Variants in SGCG observed in about 807,000 individuals in gnomAD.
The protein encoded by SGCG is gamma-sarcoglycan.
In SGCG, 26 loss-of-function variants were observed where a neutral mutation model predicts 29.3. The ratio of observed to expected loss-of-function variants is 0.89; its 90% CI spans 0.65 to 1.23. The LOEUF (loss-of-function observed/expected upper bound fraction) is 1.23, where lower values mean the gene tolerates loss of function less well. SGCG is among the 50% of genes most tolerant of loss of function. SGCG has a pLI of 0.00. For synonymous variants in SGCG, 145 were observed against 129.7 expected, an observed-to-expected ratio of 1.12 and a Z score of -0.80; for missense variants, 353 against 356.0, an observed-to-expected ratio of 0.99 and a Z score of 0.07.
At chr13:23,210,313 A>G (rs1878142306) in intron 2 of SGCG, among the ~76,000 whole-genome samples, 1 of 152,198 alleles carries the variant, frequency 6.6e-6, no homozygotes, top group African/African-American at 2.4e-5. Flanking sequence ...AAATCAGTGT[A>G]TATATTGATG....
intron 2 of SGCG, among the ~76,000 whole-genome samples, chr13:23,206,590 T>C (rs1364178964): frequency 6.6e-6 from 1 of 152,242 alleles, no homozygotes; most frequent in Non-Finnish European, 1.5e-5. Context: ...CACATCTTGA[T>C]TGACTACTAT....
At chr13:23,203,373 G>A (rs575610986) in intron 1 of SGCG, among the ~76,000 whole-genome samples, 5 of 152,222 alleles carry the variant, frequency 3.3e-5, no homozygotes, top group Admixed American at 6.5e-5. Flanking sequence ...GTTTAACCCT[G>A]AAGAATTCTG....
chr13:23,281,697 T>C lies in SGCG; in HGVS notation c.505+2219T>C, dbSNP rs547527898. ...CCACCTCAGATCATCAGGTATTAGA[T>C]TCTCATCAGGAGCACGCAACCTAGA... On this transcript the variant is annotated intron_variant, in intron 5 of 7. Coordinates refer to ENST00000218867, the MANE Select transcript of SGCG (RefSeq NM_000231.3). Among the ~76,000 whole-genome samples, 4 of 152,314 alleles carry C rather than the reference T, an allele frequency of 2.6e-5. No homozygotes were observed. The South Asian group carries it at 6.2e-4, about 24-fold the overall frequency.
At chr13:23,258,592 G>A (rs1880295375) in intron 4 of SGCG, among the ~76,000 whole-genome samples, 1 of 152,152 alleles carries the variant, frequency 6.6e-6, no homozygotes, top group African/African-American at 2.4e-5. Flanking sequence ...ATGTTGAATA[G>A]GAGTGGTGAG....
intron 2 of SGCG, among the ~76,000 whole-genome samples, chr13:23,224,941 T>C (rs1253880012): frequency 6.6e-6 from 1 of 151,970 alleles, no homozygotes; most frequent in East Asian, 1.9e-4. Context: ...TTCTGAACCA[T>C]TGCTATGCTC....
intron 2 of SGCG, among the ~76,000 whole-genome samples, chr13:23,217,193 G>A (rs2137521417): frequency 6.6e-6 from 1 of 152,074 alleles, no homozygotes; most frequent in South Asian, 2.1e-4. Flanking sequence ...ACAGTTTATT[G>A]AATAACTATG....
At chr13:23,172,492 G>T in the SGCG span, among the ~76,000 whole-genome samples, 1 of 152,040 alleles carries the variant, frequency 6.6e-6, no homozygotes, top group South Asian at 2.1e-4. Flanking sequence ...CTACCACTAG[G>T]TCTCTTCCAA....
chr13:23,299,447 TATATATA>T lies in SGCG; in HGVS notation c.578+3961_578+3967del, dbSNP rs1377834715. 3.4e-4 allele frequency among the ~76,000 whole-genome samples: 9 copies of T among 26,360 alleles called. 1 individual carries two copies. Among genetic ancestry groups the T allele is most frequent in the Admixed American group, 8.1e-4 (2 of 2,454 alleles). 17.3% of individuals were successfully genotyped at this position (26,360 alleles called of 152,430 possible). ...ATATATATATATATATATATATATATATATATATATTTTTTTTTTTTTTTTAGTCGGA... is the reference window on the plus strand; with the variant it reads ...ATATATATATATATATATATATATATTATTTTTTTTTTTTTTTTAGTCGGA... On this transcript the variant is annotated intron_variant, in intron 6 of 7. Transcript: ENST00000218867.
chr13:23,299,369 C>G (rs1882030224), intron 6 of SGCG, among the ~76,000 whole-genome samples: 1 of 135,526 alleles, frequency 7.4e-6, no homozygotes, highest in Admixed American at 7.7e-5. Flanking sequence ...TATTCCTGGC[C>G]TGATTACAGT....
At chr13:23,210,740 C>T (rs1878167071) in intron 2 of SGCG, among the ~76,000 whole-genome samples, 1 of 152,154 alleles carries the variant, frequency 6.6e-6, no homozygotes, top group Non-Finnish European at 1.5e-5. Context: ...CCTGCTAACT[C>T]AGTTTATCCT....
At chr13:23,258,527 A>T (rs1347939469) in intron 4 of SGCG, among the ~76,000 whole-genome samples, 7 of 152,150 alleles carry the variant, frequency 4.6e-5, no homozygotes, top group Non-Finnish European at 8.8e-5. Flanking sequence ...TTCCTCACTG[A>T]ATACCCTTTA....
At chr13:23,316,408 G>A (rs1047835092) in intron 6 of SGCG, among the ~76,000 whole-genome samples, 6 of 152,202 alleles carry the variant, frequency 3.9e-5, no homozygotes, top group African/African-American at 1.4e-4. Context: ...AAGTGCAGCA[G>A]TGGGCTCATG....
At chr13:23,231,526 A>G (rs2137541092) in intron 2 of SGCG, among the ~76,000 whole-genome samples, 1 of 152,172 alleles carries the variant, frequency 6.6e-6, no homozygotes, top group South Asian at 2.1e-4. Context: ...CTGCCACCAT[A>G]TGTTTACTTG....
chr13:23,318,684 T>C (rs1290105519), intron 6 of SGCG, among the ~76,000 whole-genome samples: 5 of 152,236 alleles, frequency 3.3e-5, no homozygotes, highest in South Asian at 2.1e-4. Context: ...AGCAATCTTA[T>C]CTCAGCCTTT....
chr13:23,240,693 A>G (rs1346381361), intron 3 of SGCG, among the ~76,000 whole-genome samples: 1 of 116,796 alleles, frequency 8.6e-6, no homozygotes, highest in South Asian at 3.4e-4. Flanking sequence ...ACTGGAAATT[A>G]TATAAAAATT....
At chr13:23,304,280 T>C (rs1882281654) in intron 6 of SGCG, among the ~76,000 whole-genome samples, 1 of 152,142 alleles carries the variant, frequency 6.6e-6, no homozygotes, top group African/African-American at 2.4e-5. Flanking sequence ...GGATTTTAAG[T>C]TTGAATTTAA....
At chr13:23,306,545 C>A (rs764465578) in intron 6 of SGCG, among the ~76,000 whole-genome samples, 7 of 152,138 alleles carry the variant, frequency 4.6e-5, no homozygotes, top group Non-Finnish European at 7.3e-5. Flanking sequence ...TTATACAGCT[C>A]ATTGATAAAA....
chr13:23,221,420 TG>T (rs1434911595), intron 2 of SGCG, among the ~76,000 whole-genome samples: 1 of 152,176 alleles, frequency 6.6e-6, no homozygotes, highest in Non-Finnish European at 1.5e-5. Flanking sequence ...TCTGAAGCAA[TG>T]CCAATTATTA....
chr13:23,289,355 G>T (rs1881613361), intron 5 of SGCG, among the ~76,000 whole-genome samples: 1 of 152,214 alleles, frequency 6.6e-6, no homozygotes. Context: ...TAATTTAGTA[G>T]CCAAGTAATA....
Sources: gnomAD v4.1 joint callset for allele counts (sites outside exome capture counted in the v4.1 genomes callset) on GRCh38, gnomAD v4.1.1 for gene constraint, MANE v1.5 for transcripts, NCBI Gene and HGNC (gene_info 2026-07-23, HGNC 2026-07-21) for gene names.